KIF26B: variants seen among roughly 807,000 people sequenced by gnomAD.
The protein encoded by KIF26B is kinesin-like protein KIF26B.
Under a neutral mutation model 151.2 loss-of-function variants are expected in KIF26B, and 63 were observed. The ratio of observed to expected loss-of-function variants is 0.42; its 90% CI spans 0.34 to 0.51. KIF26B has a LOEUF of 0.51. Ranked by LOEUF, KIF26B falls within the 20% of genes least tolerant of loss-of-function variation. The pLI is 0.07. For missense variants in KIF26B, 2,813 were observed against 2,913.6 expected (o/e 0.97, Z 0.79); for synonymous variants, 1,357 against 1,262.1 (o/e 1.08, Z -1.59).
intron 2 of KIF26B, among the ~76,000 whole-genome samples, chr1:245,299,320 G>GTTTTTTTTTTTTTTTTTTTTTT (rs55957858): frequency 9.7e-6 from 1 of 103,196 alleles, no homozygotes; most frequent in Non-Finnish European, 1.9e-5. Flanking sequence ...CCAATTCTGG[G>GTTTTTTTTTTTTTTTTTTTTTT]TTTTTTTTTT....
At chr1:245,222,961 A>G (rs1271522294) in intron 2 of KIF26B, among the ~76,000 whole-genome samples, 1 of 152,110 alleles carries the variant, frequency 6.6e-6, no homozygotes. Flanking sequence ...TCCCTTTCAC[A>G]CTTTGTTATG....
intron 4 of KIF26B, among the ~76,000 whole-genome samples, chr1:245,448,491 T>G (rs1033133619): frequency 7.9e-5 from 12 of 152,192 alleles, no homozygotes; most frequent in African/African-American, 2.9e-4. Context: ...ATTACAGGCA[T>G]GAGCGACCAT....
chr1:245,362,448 G>C (rs1672845438), intron 2 of KIF26B, among the ~76,000 whole-genome samples: 1 of 150,732 alleles, frequency 6.6e-6, no homozygotes, highest in Admixed American at 6.6e-5. Flanking sequence ...TGAGGCAGGA[G>C]AATCACTTGA....
chr1:245,289,190 A>G (rs1292915608), intron 2 of KIF26B, among the ~76,000 whole-genome samples: 2 of 152,102 alleles, frequency 1.3e-5, no homozygotes, highest in African/African-American at 2.4e-5. Context: ...CTCAGACAAC[A>G]CTCTTTATAA....
chr1:245,179,109 CCT>C (rs1434673898), intron 2 of KIF26B, among the ~76,000 whole-genome samples: 1 of 152,064 alleles, frequency 6.6e-6, no homozygotes, highest in African/African-American at 2.4e-5. Context: ...AAAGACTGCC[CCT>C]GTCTTTGTGA....
At chr1:245,207,380 G>A (rs541245822) in intron 2 of KIF26B, among the ~76,000 whole-genome samples, 3 of 152,280 alleles carry the variant, frequency 2.0e-5, no homozygotes, top group East Asian at 1.9e-4. Context: ...GAGTTGGACC[G>A]CACAATCTAA....
At position 245,707,417 on chromosome 1, in the gene KIF26B, C is replaced by T. The variant is rs930399648; in HGVS notation, c.*4811C>T. On this transcript the variant is annotated 3_prime_UTR_variant, in exon 15 of 15. Transcript: ENST00000407071. ...CTTCTTTCATTCCCTATCCTGCTAACAGCCCACATTGTAATATTTGATTTA... is the reference window on the plus strand; with the variant it reads ...CTTCTTTCATTCCCTATCCTGCTAATAGCCCACATTGTAATATTTGATTTA... The T allele has an allele frequency of 2.0e-5, 3 of 152,234 alleles. No individual in the cohort carries two copies. The highest frequency in any genetic ancestry group is 1.3e-4 in the Admixed American group (2 of 15,288). The allele number at this position is 152,234 out of a possible 1,614,324, so 9.4% of individuals were successfully genotyped here. A position where few individuals can be genotyped will look rare whatever the true frequency, so the allele number is the denominator to read the frequency against.
intron 10 of KIF26B, among the ~76,000 whole-genome samples, chr1:245,674,668 A>G (rs1572194103): frequency 6.6e-6 from 1 of 152,200 alleles, no homozygotes; most frequent in East Asian, 1.9e-4. Context: ...TGATTATGCT[A>G]CATTGAATAA....
intron 4 of KIF26B, among the ~76,000 whole-genome samples, chr1:245,505,717 C>G (rs1034301066): frequency 6.6e-6 from 1 of 152,228 alleles, no homozygotes; most frequent in Non-Finnish European, 1.5e-5. Context: ...TCATTATATA[C>G]TGTAATGTAC....
intron 4 of KIF26B, among the ~76,000 whole-genome samples, chr1:245,514,040 C>T (rs1172697028): frequency 6.6e-6 from 1 of 152,098 alleles, no homozygotes; most frequent in Non-Finnish European, 1.5e-5. Context: ...ATGTAAATAT[C>T]GTTAATAACA....
chr1:245,523,664 G>A (rs1042609112), intron 4 of KIF26B, among the ~76,000 whole-genome samples: 6 of 152,104 alleles, frequency 3.9e-5, no homozygotes, highest in Non-Finnish European at 5.9e-5. Flanking sequence ...CTTTTTTAAG[G>A]GCACTAATCC....
chr1:245,178,886 C>G (rs142966680), intron 2 of KIF26B, among the ~76,000 whole-genome samples: 1 of 152,126 alleles, frequency 6.6e-6, no homozygotes, highest in Admixed American at 6.5e-5. Context: ...GGGGCTCTGT[C>G]CCTTACTCCT....
intron 5 of KIF26B, among the ~76,000 whole-genome samples, chr1:245,569,807 A>G (rs1254901456): frequency 6.6e-6 from 1 of 150,830 alleles, no homozygotes; most frequent in Non-Finnish European, 1.5e-5. Context: ...AAACAAACAA[A>G]CAAACACCTT....
At chr1:245,225,038 C>T (rs956457290) in intron 2 of KIF26B, among the ~76,000 whole-genome samples, 3 of 152,184 alleles carry the variant, frequency 2.0e-5, no homozygotes, top group Non-Finnish European at 4.4e-5. Context: ...AGATGAGTTT[C>T]CAAGGTAGTT....
At chr1:245,232,797 G>A (rs887272245) in intron 2 of KIF26B, among the ~76,000 whole-genome samples, 7 of 152,160 alleles carry the variant, frequency 4.6e-5, no homozygotes, top group Non-Finnish European at 1.0e-4. Flanking sequence ...TGATCCACCC[G>A]CCTTGGCGTC....
At chr1:245,228,038 A>C (rs181878831) in intron 2 of KIF26B, among the ~76,000 whole-genome samples, 1 of 152,132 alleles carries the variant, frequency 6.6e-6, no homozygotes, top group African/African-American at 2.4e-5. Flanking sequence ...ATATTTATTC[A>C]TGGAAACAAT....
Position 245,602,926 on chromosome 1 carries a change from C to G in KIF26B, c.1557+143C>G, listed in dbSNP as rs946321243. ...CTTCAGGAGTCAATCTGAGCTCCAC[C>G]GAATGGTCCAGTGCTTTTGAATTAC... On this transcript the variant is annotated intron_variant, in intron 6 of 14. Transcript: ENST00000407071. The surrounding 1 kb of genome is among the most constrained non-coding windows in gnomAD (Gnocchi z 4.5). The G allele has an allele frequency of 4.0e-6, 3 of 743,184 alleles. No homozygotes were observed. In the African/African-American group the frequency reaches 5.2e-5, roughly 13 times the overall value. 46.0% of individuals were successfully genotyped at this position (743,184 alleles called of 1,614,324 possible). A position where few individuals can be genotyped will look rare whatever the true frequency, so the allele number is the denominator to read the frequency against.
intron 2 of KIF26B, among the ~76,000 whole-genome samples, chr1:245,279,414 C>T (rs1336193240): frequency 6.6e-6 from 1 of 151,034 alleles, no homozygotes; most frequent in African/African-American, 2.4e-5. Context: ...CTCAAGCAAT[C>T]CTCCAGCTTC....
chr1:245,192,815 G>A (rs886804081), intron 2 of KIF26B, among the ~76,000 whole-genome samples: 3 of 152,218 alleles, frequency 2.0e-5, no homozygotes, highest in Non-Finnish European at 2.9e-5. Context: ...GCAGGTGCAC[G>A]TGTCCCGTTC....
Sources: allele counts gnomAD v4.1 joint callset (sites outside exome capture counted in the v4.1 genomes callset), GRCh38; gene constraint gnomAD v4.1.1; non-coding constraint Gnocchi (gnomAD v3.1); transcripts MANE v1.5; gene names NCBI Gene and HGNC (gene_info 2026-07-23, HGNC 2026-07-21).